Variants in FBXW7 observed in about 807,000 individuals in gnomAD.
The protein encoded by FBXW7 is F-box and WD repeat domain containing 7.
FBXW7 carries 11 observed loss-of-function variants against 86.3 expected under a neutral mutation model. The ratio of observed to expected loss-of-function variants is 0.13; its 90% CI spans 0.08 to 0.21. The LOEUF (loss-of-function observed/expected upper bound fraction) is 0.21. Ranked by LOEUF, FBXW7 falls within the 10% of genes least tolerant of loss-of-function variation. FBXW7 has a pLI of 1.00. For missense variants in FBXW7, 488 were observed against 847.4 expected, an observed-to-expected ratio of 0.58 and a Z score of 5.27; for synonymous variants, 313 against 297.9, an observed-to-expected ratio of 1.05 and a Z score of -0.52.
At chr4:152,509,719 A>C (rs1747785282) in intron 2 of FBXW7, among the ~76,000 whole-genome samples, 1 of 152,044 alleles carries the variant, frequency 6.6e-6, no homozygotes, top group Non-Finnish European at 1.5e-5. Context: ...TTGTTTTTTG[A>C]ATCAGTAAGT....
In FBXW7 at chr4:152,323,000, C is replaced by T. The variant is rs2126462001; in HGVS notation, c.2005G>A (p.Gly669Arg). 1 of 1,613,838 alleles carries T rather than the reference C, an allele frequency of 6.2e-7. No homozygotes were observed. The highest frequency in any genetic ancestry group is 8.5e-7 in the Non-Finnish European group (1 of 1,179,840). ...NLVTLESGGS[G>R]GVVWRIRASN... ...GCTCTGATCCGCCACACAACTCCCC[C>T]ACTCCCCCCACTCTCCAATGTGACT... Residue 669 changes from glycine (G) to arginine (R), a missense_variant, in exon 14 of 14, where the codon GGG (glycine) becomes AGG (arginine). This residue lies in a region of FBXW7 where 142 missense variants were observed against 406.6 expected (regional missense o/e 0.35). Coordinates refer to ENST00000281708, the MANE Select transcript of FBXW7 (RefSeq NM_001349798.2).
intron 2 of FBXW7, among the ~76,000 whole-genome samples, chr4:152,415,209 C>T (rs1362933166): frequency 6.6e-6 from 1 of 152,016 alleles, no homozygotes; most frequent in Non-Finnish European, 1.5e-5. Flanking sequence ...AAGGCAAATA[C>T]TAACTTTGAA....
At chr4:152,512,294 C>A (rs1383682661) in intron 2 of FBXW7, among the ~76,000 whole-genome samples, 1 of 152,026 alleles carries the variant, frequency 6.6e-6, no homozygotes, top group East Asian at 1.9e-4. Context: ...ACACAGTAAA[C>A]AACAACAAGA....
At chr4:152,437,617 G>T (rs1207787058) in intron 2 of FBXW7, among the ~76,000 whole-genome samples, 1 of 152,192 alleles carries the variant, frequency 6.6e-6, no homozygotes, top group Non-Finnish European at 1.5e-5. Flanking sequence ...GATTTGAAAG[G>T]ATTGCCTCCA....
chr4:152,467,436 T>C (rs1377092590), intron 2 of FBXW7, among the ~76,000 whole-genome samples: 1 of 152,178 alleles, frequency 6.6e-6, no homozygotes, highest in Admixed American at 6.5e-5. Context: ...CTTGGGTATA[T>C]GTCTTTATCA....
chr4:152,463,541 T>C (rs896025216), intron 2 of FBXW7, among the ~76,000 whole-genome samples: 24 of 152,070 alleles, frequency 1.6e-4, no homozygotes, highest in African/African-American at 5.8e-4. Flanking sequence ...GACATGAGAA[T>C]AGGTGGACAG....
intron 4 of FBXW7, among the ~76,000 whole-genome samples, chr4:152,381,465 A>G (rs1466710863): frequency 6.6e-6 from 1 of 152,124 alleles, no homozygotes; most frequent in Non-Finnish European, 1.5e-5. Context: ...ATCTAAAAAT[A>G]TATCACTCTA....
intron 7 of FBXW7, among the ~76,000 whole-genome samples, chr4:152,336,095 A>G (rs1730065482): frequency 6.6e-6 from 1 of 152,166 alleles, no homozygotes; most frequent in South Asian, 2.1e-4. Context: ...ATCATTATTT[A>G]TCCACTTAGA....
chr4:152,461,514 C>G lies in FBXW7; in HGVS notation c.-119-48985G>C, dbSNP rs559079050. On this transcript the variant is annotated intron_variant, in intron 2 of 13. Coordinates refer to ENST00000281708, the MANE Select transcript of FBXW7 (RefSeq NM_001349798.2). The stretch of plus-strand genomic sequence containing the variant: ...CAGAAACATGGAAACAGAGGGGTGA[C>G]TGTATTTTTCTTTAATCCTTTGAAC... Among the ~76,000 whole-genome samples the G allele has an allele frequency of 4.6e-5, 7 of 152,246 alleles. No individual in the cohort carries two copies. In the East Asian group the frequency reaches 1.3e-3, roughly 29 times the overall value.
At chr4:152,389,700 T>C (rs1735837207) in intron 4 of FBXW7, among the ~76,000 whole-genome samples, 1 of 152,082 alleles carries the variant, frequency 6.6e-6, no homozygotes, top group East Asian at 1.9e-4. Context: ...AGGCCCAAAT[T>C]TCACCACTAT....
chr4:152,391,605 G>C (rs1183901650), intron 4 of FBXW7, among the ~76,000 whole-genome samples: 1 of 152,090 alleles, frequency 6.6e-6, no homozygotes, highest in Non-Finnish European at 1.5e-5. Context: ...AAATACGTAC[G>C]CATTGTTTCA....
At chr4:152,362,312 G>GA (rs1391161313) in intron 4 of FBXW7, among the ~76,000 whole-genome samples, 1 of 151,964 alleles carries the variant, frequency 6.6e-6, no homozygotes, top group Non-Finnish European at 1.5e-5. Context: ...TATACAATAT[G>GA]AAAAAATCCT....
chr4:152,359,348 C>A (rs1732701486), intron 4 of FBXW7, among the ~76,000 whole-genome samples: 1 of 152,116 alleles, frequency 6.6e-6, no homozygotes, highest in Non-Finnish European at 1.5e-5. Flanking sequence ...CACCCATAAT[C>A]CCAGAGCTTT....
chr4:152,489,783 T>C, intron 2 of FBXW7, among the ~76,000 whole-genome samples: 1 of 152,056 alleles, frequency 6.6e-6, no homozygotes, highest in East Asian at 1.9e-4. Context: ...CTGAGCACTG[T>C]CTTTTATGCT....
chr4:152,415,926 AC>A (rs950795678), intron 2 of FBXW7, among the ~76,000 whole-genome samples: 10 of 151,780 alleles, frequency 6.6e-5, no homozygotes, highest in Non-Finnish European at 5.9e-5. Flanking sequence ...TTAAAATAAT[AC>A]CCCCCAGCAT....
intron 4 of FBXW7, chr4:152,382,303 A>G: frequency 6.3e-7 from 1 of 1,597,564 alleles, no homozygotes; most frequent in Non-Finnish European, 8.5e-7. Flanking sequence ...GAACCAAGCC[A>G]TGGTTTAGAG....
intron 2 of FBXW7, among the ~76,000 whole-genome samples, chr4:152,512,843 T>G (rs974548731): frequency 6.6e-6 from 1 of 152,148 alleles, no homozygotes; most frequent in African/African-American, 2.4e-5. Context: ...GTGAATACAA[T>G]GAAAACGACC....
intron 2 of FBXW7, among the ~76,000 whole-genome samples, chr4:152,528,208 A>G (rs2149742845): frequency 6.6e-6 from 1 of 152,336 alleles, no homozygotes; most frequent in African/African-American, 2.4e-5. Context: ...AAAACATGCT[A>G]TCTCTTTCTT....
chr4:152,511,032 C>A (rs185126130), intron 2 of FBXW7, among the ~76,000 whole-genome samples: 1 of 151,410 alleles, frequency 6.6e-6, no homozygotes, highest in South Asian at 2.1e-4. Context: ...TCAAACACCA[C>A]GGTTAATTTT....
Sources: allele counts gnomAD v4.1 joint callset (sites outside exome capture counted in the v4.1 genomes callset), GRCh38; gene constraint gnomAD v4.1.1; regional missense constraint gnomAD v4.1.1; transcripts MANE v1.5; gene names NCBI Gene and HGNC (gene_info 2026-07-23, HGNC 2026-07-21).